The following MAGEB6B variants were observed in gnomAD, a reference collection of about 807,000 sequenced individuals.
The protein encoded by MAGEB6B is melanoma-associated antigen B6B.
For synonymous variants in MAGEB6B, 107 were observed against 102.3 expected, an observed-to-expected ratio of 1.05 and a Z score of -0.27; for missense variants, 277 against 251.5, an observed-to-expected ratio of 1.10 and a Z score of -0.69.
At chrX:26,161,798 G>C (rs1928694753) in exon 1 of MAGEB6B, 2 of 1,210,712 alleles carry the variant, frequency 1.7e-6, no homozygotes, top group Non-Finnish European at 2.2e-6. Flanking sequence ...AGATGAGGTA[G>C]AGAGAGCATT....
exon 1 of MAGEB6B, chrX:26,161,688 C>T (rs1928692829): frequency 3.3e-6 from 4 of 1,211,794 alleles, no homozygotes; most frequent in Non-Finnish European, 4.5e-6. Context: ...GGTCCACGAG[C>T]CTATGCTGAA....
Position 26,161,011 on chromosome X carries a change from C to A in MAGEB6B, c.411C>A (p.Ser137Arg), listed in dbSNP as rs185744664. ...AGGGTCAAAATGAGAAAAGTCCAAG[C>A]ACCTCCCGTGATGCCTCTGTTCCTC... The change falls in exon 1 of 1, where the codon AGC becomes AGA. Residue 137 changes from serine (S) to arginine (R), a missense_variant. Coordinates refer to ENST00000416929, the Ensembl canonical transcript of MAGEB6B. 4 of 838,374 alleles carry A rather than the reference C, an allele frequency of 4.8e-6. No homozygotes were observed. In the East Asian group the frequency reaches 1.3e-4, roughly 26 times the overall value. 69.1% of individuals were successfully genotyped at this position (838,374 alleles called of 1,213,427 possible). A position where few individuals can be genotyped will look rare whatever the true frequency, so the allele number is the denominator to read the frequency against.
At chrX:26,161,154 C>T (rs1569250219) in exon 1 of MAGEB6B, 1 of 804,209 alleles carries the variant, frequency 1.2e-6, no homozygotes, top group South Asian at 2.0e-5. Flanking sequence ...AAGAGAGCTG[C>T]GTTCTTTACA....
At chrX:26,161,172 A>G in exon 1 of MAGEB6B, 1 of 765,263 alleles carries the variant, frequency 1.3e-6, no homozygotes. Context: ...ACAACCACAG[A>G]CGGAGATCCT....
At chrX:26,161,330 T>C (rs1928687166) in exon 1 of MAGEB6B, 2 of 647,623 alleles carry the variant, frequency 3.1e-6, no homozygotes, top group African/African-American at 2.1e-5. Flanking sequence ...CTCCGAACAT[T>C]TGACGGTGTT....
At chrX:26,160,755 G>A (rs764042835) in exon 1 of MAGEB6B, 8 of 579,344 alleles carry the variant, frequency 1.4e-5, no homozygotes, top group South Asian at 6.7e-5. Flanking sequence ...CAGGGTGCTC[G>A]TCGTAGGTCT....
chrX:26,161,703 C>A, exon 1 of MAGEB6B: 4 of 1,211,858 alleles, frequency 3.3e-6, no homozygotes, highest in Non-Finnish European at 4.5e-6. Context: ...GCTGAAACCA[C>A]CAAGATGAGA....
At chrX:26,161,388 C>G (rs371125577) in exon 1 of MAGEB6B, 5 of 767,029 alleles carry the variant, frequency 6.5e-6, no homozygotes, top group Non-Finnish European at 1.0e-5. Flanking sequence ...GAGTCCTACA[C>G]CCTTGTCAGC....
exon 1 of MAGEB6B, chrX:26,160,615 G>A: frequency 1.1e-5 from 6 of 570,228 alleles, no homozygotes; most frequent in Non-Finnish European, 6.5e-6. Flanking sequence ...CTCGGGGTCA[G>A]AAGAGTAAGC....
At chrX:26,161,182 T>C (rs920942165) in exon 1 of MAGEB6B, 3 of 759,784 alleles carry the variant, frequency 3.9e-6, no homozygotes, top group Non-Finnish European at 6.2e-6. Flanking sequence ...ACGGAGATCC[T>C]ATAAAAAGGA....
chrX:26,160,959 C>A lies in MAGEB6B; in HGVS notation c.359C>A (p.Ser120Ter). 1 of 659,201 alleles carries A rather than the reference C, an allele frequency of 1.5e-6. No homozygotes were observed. The highest frequency in any genetic ancestry group is 2.6e-6 in the Non-Finnish European group (1 of 391,023). The allele number at this position is 659,201 out of a possible 1,213,427, so 54.3% of individuals were successfully genotyped here. A position where few individuals can be genotyped will look rare whatever the true frequency, so the allele number is the denominator to read the frequency against. The change falls in exon 1 of 1, where the codon TCA becomes TAA. Residue 120 changes from serine to a stop codon, truncating the protein, a stop_gained. Transcript: ENST00000416929. LOFTEE classifies it low-confidence loss of function (END_TRUNC). ...ATTGGCCCTCCTGATGCAGGTATTT[C>A]ATGCTCAAAATCTGATGAGGCTGCC... is the stretch of plus-strand genomic sequence containing the variant.
chrX:26,162,001 T>C (rs1269626698), downstream of MAGEB6B, among the ~76,000 whole-genome samples: 1 of 112,540 alleles, frequency 8.9e-6, no homozygotes, highest in African/African-American at 3.2e-5. Flanking sequence ...GTATTTCTTT[T>C]GTCTTGTTAT....
At chrX:26,161,008 A>G (rs1178111994) in exon 1 of MAGEB6B, 1 of 826,638 alleles carries the variant, frequency 1.2e-6, no homozygotes, top group Non-Finnish European at 1.8e-6. Flanking sequence ...AGAAAAGTCC[A>G]AGCACCTCCC....
exon 1 of MAGEB6B, chrX:26,161,635 G>C: frequency 2.5e-6 from 3 of 1,211,456 alleles, no homozygotes; most frequent in Non-Finnish European, 3.4e-6. Context: ...TGGTTTACCG[G>C]CAGGTGTGCA....
chrX:26,161,276 C>T (rs753146008), exon 1 of MAGEB6B: 30 of 653,757 alleles, frequency 4.6e-5, no homozygotes, highest in Admixed American at 8.9e-5. Flanking sequence ...GAAGCGTCTC[C>T]GCAGACAGTA....
exon 1 of MAGEB6B, chrX:26,161,131 T>G: frequency 1.1e-6 from 1 of 909,771 alleles, no homozygotes; most frequent in Non-Finnish European, 1.6e-6. Context: ...ATGAGGAAAG[T>G]TTAAGCTCCT....
rs190551125 is a variant in MAGEB6B, at chrX:26,161,049, G to T, written c.449G>T (p.Gly150Val). The T allele has an allele frequency of 1.0e-4, 112 of 1,101,518 alleles. No homozygotes were observed. In the African/African-American group the frequency reaches 1.8e-3, roughly 18 times the overall value. 90.8% of individuals were successfully genotyped at this position (1,101,518 alleles called of 1,213,427 possible). Residue 150 changes from glycine (G) to valine (V), a missense_variant, in exon 1 of 1, where the codon GGA (glycine) becomes GTA (valine). Gly to Val is a moderately radical substitution (Grantham distance 109, BLOSUM62 -3). Transcript: ENST00000416929. The stretch of plus-strand genomic sequence containing the variant: ...GCCTCTGTTCCTCAGGAGTCTCAGG[G>T]AGCTTCACCCACTGGCTCGCCTGAT...
downstream of MAGEB6B, chrX:26,161,929 A>T: frequency 1.3e-6 from 1 of 757,489 alleles, no homozygotes; most frequent in Non-Finnish European, 2.0e-6. Context: ...GCTTTATGTT[A>T]GAAGAGAGTA....
chrX:26,160,715 C>T (rs773221084), exon 1 of MAGEB6B: 11 of 571,818 alleles, frequency 1.9e-5, no homozygotes, highest in South Asian at 1.6e-4. Flanking sequence ...AGAAGAGTCT[C>T]GCTCTTCGTC....
Sources: allele counts gnomAD v4.1 joint callset (sites outside exome capture counted in the v4.1 genomes callset), GRCh38; gene constraint gnomAD v4.1.1; transcripts MANE v1.5; gene names NCBI Gene and HGNC (gene_info 2026-07-23, HGNC 2026-07-21).